The following CREG2 variants were observed in gnomAD, a reference collection of about 807,000 sequenced individuals.
The protein encoded by CREG2 is protein CREG2.
A neutral mutation model predicts 26.2 loss-of-function variants in CREG2; 24 were observed. The ratio of observed to expected loss-of-function variants is 0.92; its 90% CI spans 0.66 to 1.29. The LOEUF is 1.29. Among genes scored for constraint, CREG2 ranks in the 50% most tolerant of loss-of-function variants. CREG2 has a pLI of 0.00. For synonymous variants in CREG2, 174 were observed against 169.2 expected (o/e 1.03, Z -0.22); for missense variants, 366 against 398.6 (o/e 0.92, Z 0.70).
intron 2 of CREG2, among the ~76,000 whole-genome samples, chr2:101,363,639 T>A (rs2104475119): frequency 6.6e-6 from 1 of 152,310 alleles, no homozygotes; most frequent in African/African-American, 2.4e-5. Context: ...TATATAAACA[T>A]ACTGAACAAA....
At chr2:101,385,110 T>A (rs1684945386) in intron 1 of CREG2, among the ~76,000 whole-genome samples, 1 of 152,202 alleles carries the variant, frequency 6.6e-6, no homozygotes, top group African/African-American at 2.4e-5. Flanking sequence ...ACAGATGGAC[T>A]AAGACAGGTG....
intron 3 of CREG2, among the ~76,000 whole-genome samples, chr2:101,353,969 G>A (rs2104469406): frequency 6.6e-6 from 1 of 152,210 alleles, no homozygotes; most frequent in African/African-American, 2.4e-5. Context: ...CCTGTCGGGG[G>A]GTGGAGGCAA....
intron 2 of CREG2, among the ~76,000 whole-genome samples, chr2:101,368,090 C>A (rs893214163): frequency 1.7e-4 from 26 of 152,100 alleles, no homozygotes; most frequent in African/African-American, 6.0e-4. Context: ...AGTTCGAGAC[C>A]AGCCTGGCCA....
chr2:101,374,435 G>A (rs1209705231), intron 2 of CREG2, among the ~76,000 whole-genome samples: 1 of 152,244 alleles, frequency 6.6e-6, no homozygotes, highest in African/African-American at 2.4e-5. Context: ...ACAGGAAGGT[G>A]CAGCAAAGAA....
At position 101,387,102 on chromosome 2, in the gene CREG2, C is replaced by T. The variant is rs1684982634; in HGVS notation, c.356G>A (p.Gly119Asp). ...EGGQTASAPP[G>D]PRLRAATARS... Reference sequence around the variant, plus strand: ...GGCGGTGGCGGCGCGCAGTCTAGGGCCCGGGGGCGCACTGGCCGTCTGGCC... The same window carrying T: ...GGCGGTGGCGGCGCGCAGTCTAGGGTCCGGGGGCGCACTGGCCGTCTGGCC... Residue 119 changes from glycine (G) to aspartate (D), a missense_variant, in exon 1 of 4, where the codon GGC becomes GAC. Physicochemically the swap from Gly to Asp is moderately conservative, Grantham distance 94 (BLOSUM62 -1). Transcript: ENST00000324768. This position sits in a 1 kb window ranked among gnomAD's most constrained non-coding sequence, Gnocchi z 4.7. The T allele has an allele frequency of 2.4e-6, 3 of 1,243,164 alleles. No individual in the cohort carries two copies. Among genetic ancestry groups the T allele is most frequent in the Admixed American group, 4.2e-5 (1 of 23,638 alleles). 77.0% of individuals were successfully genotyped at this position (1,243,164 alleles called of 1,614,324 possible).
At chr2:101,357,780 T>C (rs536991271) in intron 2 of CREG2, among the ~76,000 whole-genome samples, 1 of 151,824 alleles carries the variant, frequency 6.6e-6, no homozygotes, top group Non-Finnish European at 1.5e-5. Context: ...TCCAGGGCCA[T>C]GGAGCTCACA....
At chr2:101,385,816 C>A (rs767466970) in intron 1 of CREG2, among the ~76,000 whole-genome samples, 2 of 152,100 alleles carry the variant, frequency 1.3e-5, no homozygotes, top group African/African-American at 4.8e-5. Flanking sequence ...TTGTTTAAAT[C>A]AAATGTCAAT....
intron 3 of CREG2, among the ~76,000 whole-genome samples, chr2:101,354,645 T>C (rs913289146): frequency 2.6e-5 from 4 of 152,182 alleles, no homozygotes; most frequent in Admixed American, 6.5e-5. Flanking sequence ...CCCGCGTGCA[T>C]GCGCGGTCCT....
intron 3 of CREG2, among the ~76,000 whole-genome samples, chr2:101,352,675 G>A (rs1042830377): frequency 2.2e-4 from 34 of 152,198 alleles, no homozygotes; most frequent in African/African-American, 7.7e-4. Flanking sequence ...AGCCGTGGTG[G>A]TGCACACCTG....
At chr2:101,372,266 T>C (rs1041249658) in intron 2 of CREG2, among the ~76,000 whole-genome samples, 4 of 152,224 alleles carry the variant, frequency 2.6e-5, no homozygotes, top group African/African-American at 9.6e-5. Context: ...CCTGTGCCTT[T>C]AAGTGTTCAC....
At position 101,383,646 on chromosome 2, in the gene CREG2, A is replaced by G. The variant is rs946204628; in HGVS notation, c.498T>C (p.Asn166=). Residue 166 remains asparagine (N), a synonymous_variant, in exon 2 of 4, where the codon AAT becomes AAC. Transcript: ENST00000324768. The part of the protein sequence containing the change: ...CLPVSDGPFN[N]STGIPFFYMT... ...TGTAGAAGAAAGGAATCCCAGTGCT[A>G]TTGTTGAAGGGGCCATCACTGACGG... 4.3e-6 allele frequency: 7 copies of G among 1,613,936 alleles called. No homozygotes were observed. The African/African-American group carries it at 9.3e-5, about 22-fold the overall frequency.
chr2:101,380,836 C>A (rs1424761323), intron 2 of CREG2, among the ~76,000 whole-genome samples: 1 of 151,828 alleles, frequency 6.6e-6, no homozygotes, highest in South Asian at 2.1e-4. Context: ...CCCAGCTACT[C>A]GGGAGGCTGA....
At chr2:101,354,192 C>T (rs1039548015) in intron 3 of CREG2, among the ~76,000 whole-genome samples, 3 of 152,102 alleles carry the variant, frequency 2.0e-5, no homozygotes, top group African/African-American at 7.2e-5. Context: ...GGCCTCTTCT[C>T]ATTGCTTATA....
In CREG2 at chr2:101,346,546, A is replaced by G. The variant is rs1269782613; in HGVS notation, c.*4377T>C. 1.3e-5 allele frequency: 2 copies of G among 152,238 alleles called. No homozygotes were observed. The highest frequency in any genetic ancestry group is 2.9e-5 in the Non-Finnish European group (2 of 68,054). The allele number at this position is 152,238 out of a possible 1,614,324, so 9.4% of individuals were successfully genotyped here. ...ATTTGTATTTAACATTAAATTGAAC[A>G]TATTTAGGAAAATTTTAAAGAATTT... is the stretch of plus-strand genomic sequence containing the variant. On this transcript the variant is annotated 3_prime_UTR_variant, in exon 4 of 4. Coordinates refer to ENST00000324768, the MANE Select transcript of CREG2 (RefSeq NM_153836.4).
At position 101,347,472 on chromosome 2, in the gene CREG2, C is replaced by T. The variant is rs1475886639; in HGVS notation, c.*3451G>A. On this transcript the variant is annotated 3_prime_UTR_variant, in exon 4 of 4. Coordinates refer to ENST00000324768, the MANE Select transcript of CREG2 (RefSeq NM_153836.4). ...TGACCCGGTTTATCTGCATCCTTGTCAGCGTTTGGTGTTATCATTATTTTT... is the reference window on the plus strand; with the variant it reads ...TGACCCGGTTTATCTGCATCCTTGTTAGCGTTTGGTGTTATCATTATTTTT... 2 of 152,158 alleles carry T rather than the reference C, an allele frequency of 1.3e-5. No individual in the cohort carries two copies. Among genetic ancestry groups the T allele is most frequent in the Admixed American group, 1.3e-4 (2 of 15,272 alleles). The allele number at this position is 152,158 out of a possible 1,614,324, so 9.4% of individuals were successfully genotyped here. A position where few individuals can be genotyped will look rare whatever the true frequency, so the allele number is the denominator to read the frequency against.
intron 2 of CREG2, among the ~76,000 whole-genome samples, chr2:101,364,791 C>T (rs1003139887): frequency 6.6e-6 from 1 of 152,006 alleles, no homozygotes; most frequent in Admixed American, 6.6e-5. Flanking sequence ...CTGGGTATGG[C>T]CAGGCAGGAG....
At chr2:101,381,137 GA>G (rs1553447807) in intron 2 of CREG2, among the ~76,000 whole-genome samples, 1 of 152,168 alleles carries the variant, frequency 6.6e-6, no homozygotes, top group Non-Finnish European at 1.5e-5. Flanking sequence ...AGCACGTGAC[GA>G]CGATCTCTGC....
chr2:101,360,119 C>CT (rs1032739054), intron 2 of CREG2, among the ~76,000 whole-genome samples: 3 of 152,144 alleles, frequency 2.0e-5, no homozygotes, highest in Admixed American at 6.5e-5. Context: ...CCTTTACTCC[C>CT]TTTTTTTCTT....
At position 101,366,875 on chromosome 2, in the gene CREG2, C is replaced by T. The variant is rs187881694; in HGVS notation, c.612-11509G>A. On this transcript the variant is annotated intron_variant, in intron 2 of 3. Transcript: ENST00000324768. ...ATACAAAACCAATATAGTATAACAACTATTTACAGAGCACTTAAATTGTAC... is the reference window on the plus strand; with the variant it reads ...ATACAAAACCAATATAGTATAACAATTATTTACAGAGCACTTAAATTGTAC... 2.5e-3 allele frequency among the ~76,000 whole-genome samples: 373 copies of T among 152,186 alleles called. 12 individuals are homozygous for T. The highest frequency in any genetic ancestry group is 0.024 in the Admixed American group (371 of 15,286).
Sources: gnomAD v4.1 joint callset for allele counts (sites outside exome capture counted in the v4.1 genomes callset) on GRCh38, gnomAD v4.1.1 for gene constraint, Gnocchi (gnomAD v3.1) non-coding constraint, MANE v1.5 for transcripts, NCBI Gene and HGNC (gene_info 2026-07-23, HGNC 2026-07-21) for gene names.